The following PTPRN2 variants were observed in gnomAD, a reference collection of about 807,000 sequenced individuals.
The protein encoded by PTPRN2 is protein tyrosine phosphatase receptor type N2.
PTPRN2 carries 74 observed loss-of-function variants against 118.8 expected under a neutral mutation model. That is an observed-to-expected ratio of 0.62 (90% CI 0.52 to 0.76). The LOEUF is 0.76. Ranked by LOEUF, PTPRN2 falls within the 30% of genes least tolerant of loss-of-function variation. The pLI is 0.00. For synonymous variants in PTPRN2, 641 were observed against 608.0 expected (o/e 1.05, Z -0.80); for missense variants, 1,481 against 1,394.4 (o/e 1.06, Z -0.99).
Position 158,269,239 on chromosome 7 carries a change from C to T in PTPRN2, c.277+47580G>A, listed in dbSNP as rs918385510. Among the ~76,000 whole-genome samples the T allele has an allele frequency of 1.3e-4, 20 of 152,200 alleles. 1 individual carries two copies. Among genetic ancestry groups the T allele is most frequent in the Admixed American group, 1.2e-3 (18 of 15,280 alleles). On this transcript the variant is annotated intron_variant, in intron 3 of 22. Transcript: ENST00000389418. ...GATGCTCCCTCCCATCGCCAAACCT[C>T]GTCTCCTCATCTATGGAAGGAGAAC...
chr7:157,913,299 GT>G (rs1164096289), intron 11 of PTPRN2, among the ~76,000 whole-genome samples: 2 of 152,016 alleles, frequency 1.3e-5, no homozygotes, highest in Non-Finnish European at 2.9e-5. Flanking sequence ...AATTCCATTA[GT>G]TTACCTGGAT....
rs1802973612 is a variant in PTPRN2, at chr7:157,618,901, T to A, written c.2344+2461A>T. 1 of 152,152 alleles carries A rather than the reference T, an allele frequency of 6.6e-6. No individual in the cohort carries two copies. The highest frequency in any genetic ancestry group is 6.6e-5 in the Admixed American group (1 of 15,252). 9.4% of individuals were successfully genotyped at this position (152,152 alleles called of 1,614,324 possible). ...GGGTCGGGAGAACCCTGGGAGGAGG[T>A]GCAGGCAGCTTCTTTCTGGCTCCAG... On this transcript the variant is annotated intron_variant, in intron 15 of 22. Coordinates refer to ENST00000389418, the MANE Select transcript of PTPRN2 (RefSeq NM_002847.5). The surrounding 1 kb of genome is among the most constrained non-coding windows in gnomAD (Gnocchi z 4.2).
chr7:157,864,113 A>C lies in PTPRN2; in HGVS notation c.1788+34560T>G, dbSNP rs1200818937. On this transcript the variant is annotated intron_variant, in intron 12 of 22. Transcript: ENST00000389418. ...CGTGGTTTTGATCCAAAAGCATTTG[A>C]AAGCTGCTCTGAAGATGCAGAAAAG... The C allele has an allele frequency of 2.0e-5, 3 of 152,298 alleles. No individual in the cohort carries two copies. In the East Asian group the frequency reaches 5.8e-4, roughly 29 times the overall value. 9.4% of individuals were successfully genotyped at this position (152,298 alleles called of 1,614,324 possible).
intron 6 of PTPRN2, among the ~76,000 whole-genome samples, chr7:158,154,372 A>AG (rs1226395689): frequency 6.6e-6 from 1 of 152,212 alleles, no homozygotes; most frequent in African/African-American, 2.4e-5. Flanking sequence ...AAATATAGTA[A>AG]GTGTGTTGTC....
intron 10 of PTPRN2, among the ~76,000 whole-genome samples, chr7:158,098,751 C>T (rs146825654): frequency 6.6e-6 from 1 of 152,064 alleles, no homozygotes; most frequent in Admixed American, 6.5e-5. Flanking sequence ...CGGGACGCTC[C>T]TTATGGGAGA....
chr7:158,035,532 A>G (rs1241435552), intron 11 of PTPRN2, among the ~76,000 whole-genome samples: 1 of 152,178 alleles, frequency 6.6e-6, no homozygotes, highest in Non-Finnish European at 1.5e-5. Context: ...ACAGGAGGGC[A>G]GGGGGCAGGT....
intron 3 of PTPRN2, among the ~76,000 whole-genome samples, chr7:158,214,019 A>C (rs1002184291): frequency 6.6e-6 from 1 of 152,136 alleles, no homozygotes; most frequent in Non-Finnish European, 1.5e-5. Context: ...GCAGTCTGAG[A>C]GGACCCTGTA....
intron 11 of PTPRN2, among the ~76,000 whole-genome samples, chr7:157,940,449 G>A (rs1234555453): frequency 1.3e-5 from 2 of 151,658 alleles, no homozygotes; most frequent in South Asian, 2.1e-4. Context: ...GCCCTCCCCT[G>A]TGACACTGCA....
intron 11 of PTPRN2, among the ~76,000 whole-genome samples, chr7:158,046,094 T>C (rs1180221194): frequency 2.8e-5 from 4 of 143,000 alleles, no homozygotes; most frequent in African/African-American, 7.9e-5. Flanking sequence ...CACTGCCTTG[T>C]TCTGTCCAGG....
chr7:157,603,077 T>G lies in PTPRN2; in HGVS notation c.2418+925A>C, dbSNP rs1430542642. 6.6e-6 allele frequency among the ~76,000 whole-genome samples: 1 copy of G among 152,154 alleles called. No individual in the cohort carries two copies. The highest frequency in any genetic ancestry group is 1.5e-5 in the Non-Finnish European group (1 of 68,024). On this transcript the variant is annotated intron_variant, in intron 16 of 22. Transcript: ENST00000389418. This position sits in a 1 kb window ranked among gnomAD's most constrained non-coding sequence, Gnocchi z 5.4. ...TAAATCTGCATGGAGCCCCAGCCTC[T>G]CCACCACTGGTTTAAAGTGCCATCC...
chr7:158,472,010 T>TTCCATTCC (rs1563333558), intron 2 of PTPRN2, among the ~76,000 whole-genome samples: 19 of 151,570 alleles, frequency 1.3e-4, no homozygotes, highest in African/African-American at 3.2e-4. Flanking sequence ...GGTTCCGGCC[T>TTCCATTCC]CGCCACGGTT....
chr7:157,890,097 T>C (rs1182109993), intron 12 of PTPRN2, among the ~76,000 whole-genome samples: 1 of 152,136 alleles, frequency 6.6e-6, no homozygotes, highest in Non-Finnish European at 1.5e-5. Flanking sequence ...GTGAAGGTTT[T>C]GTTTTTCTGA....
chr7:157,983,366 C>T (rs566000762), intron 11 of PTPRN2, among the ~76,000 whole-genome samples: 1 of 150,344 alleles, frequency 6.7e-6, no homozygotes, highest in Non-Finnish European at 1.5e-5. Context: ...AACCCCGAGT[C>T]ATAGAGATGA....
Position 157,779,059 on chromosome 7 carries a change from G to C in PTPRN2, c.1789-96122C>G, listed in dbSNP as rs1253550206. ...CGTGTTCTCTGAGGGGTTGTGCCGG[G>C]GTCTTCAGACAGTGCCCTCCCTGGG... is the stretch of plus-strand genomic sequence containing the variant. On this transcript the variant is annotated intron_variant, in intron 12 of 22. Coordinates refer to ENST00000389418, the MANE Select transcript of PTPRN2 (RefSeq NM_002847.5). The surrounding 1 kb of genome is among the most constrained non-coding windows in gnomAD (Gnocchi z 4.7). Among the ~76,000 whole-genome samples the C allele has an allele frequency of 6.6e-6, 1 of 152,212 alleles. No homozygotes were observed. The highest frequency in any genetic ancestry group is 2.4e-5 in the African/African-American group (1 of 41,454).
intron 11 of PTPRN2, among the ~76,000 whole-genome samples, chr7:157,942,510 A>T (rs1488851565): frequency 1.3e-5 from 2 of 152,048 alleles, no homozygotes; most frequent in Admixed American, 1.3e-4. Context: ...TACTCTTGGG[A>T]AGTATGCAAA....
intron 3 of PTPRN2, among the ~76,000 whole-genome samples, chr7:158,251,951 G>A (rs1463601780): frequency 6.6e-6 from 1 of 152,164 alleles, no homozygotes; most frequent in East Asian, 1.9e-4. Flanking sequence ...CCTAAGGGGA[G>A]GTCAGGGAAA....
In PTPRN2 at chr7:157,878,901, C is replaced by A. The variant is rs534029197; in HGVS notation, c.1788+19772G>T. 3.8e-5 allele frequency among the ~76,000 whole-genome samples: 5 copies of A among 133,064 alleles called. No homozygotes were observed. In the East Asian group the frequency reaches 1.2e-3, roughly 31 times the overall value. The allele number at this position is 133,064 out of a possible 152,430, so 87.3% of individuals were successfully genotyped here. The stretch of plus-strand genomic sequence containing the variant: ...GGAAGGGTCAGTGTGATACCATGCA[C>A]CCACACTTACTCACCGAGGAGCTCT... On this transcript the variant is annotated intron_variant, in intron 12 of 22. Coordinates refer to ENST00000389418, the MANE Select transcript of PTPRN2 (RefSeq NM_002847.5).
chr7:158,489,910 G>A (rs1354457224), intron 1 of PTPRN2, 125 bp from the exon 2 acceptor site: 4 of 904,746 alleles, frequency 4.4e-6, no homozygotes, highest in Admixed American at 4.8e-5. Flanking sequence ...CCTCCGACCC[G>A]GCTTTTCCGA....
chr7:158,318,480 G>A (rs1802532656), intron 2 of PTPRN2, among the ~76,000 whole-genome samples: 1 of 152,202 alleles, frequency 6.6e-6, no homozygotes, highest in African/African-American at 2.4e-5. Flanking sequence ...AGGAGGGAGT[G>A]AGCCACGGGC....
Sources: gnomAD v4.1 joint callset for allele counts (sites outside exome capture counted in the v4.1 genomes callset) on GRCh38, gnomAD v4.1.1 for gene constraint, Gnocchi (gnomAD v3.1) non-coding constraint, MANE v1.5 for transcripts, NCBI Gene and HGNC (gene_info 2026-07-23, HGNC 2026-07-21) for gene names.